The following MED12L variants were observed in gnomAD, a reference collection of about 807,000 sequenced individuals.
The protein encoded by MED12L is mediator complex subunit 12L.
In MED12L, 60 loss-of-function variants were observed where a neutral mutation model predicts 281.3. That is an observed-to-expected ratio of 0.21 (90% CI 0.17 to 0.26). The LOEUF is 0.26. Ranked by LOEUF, MED12L falls within the 10% of genes least tolerant of loss-of-function variation. The probability of loss-of-function intolerance (pLI) is 1.00; values close to 1 mark genes in which losing one functional copy is unlikely to be tolerated. For missense variants in MED12L, 2,146 were observed against 2,680.9 expected, an observed-to-expected ratio of 0.80 and a Z score of 4.41; for synonymous variants, 974 against 987.2, an observed-to-expected ratio of 0.99 and a Z score of 0.25.
At chr3:151,223,238 T>TG (rs11414248) in intron 16 of MED12L, among the ~76,000 whole-genome samples, 102,457 of 150,358 alleles carry the variant, frequency 0.68, 35,229 homozygotes, top group African/African-American at 0.74. Context: ...TATGTACTCT[T>TG]GTGGGATTGT....
At chr3:151,406,920 C>T (rs1030399768) in intron 39 of MED12L, among the ~76,000 whole-genome samples, 1 of 151,892 alleles carries the variant, frequency 6.6e-6, no homozygotes, top group African/African-American at 2.4e-5. Context: ...TCACCTCAAC[C>T]TTCCAAGTAG....
At chr3:151,338,339 G>T in intron 16 of MED12L, 1 of 1,614,104 alleles carries the variant, frequency 6.2e-7, no homozygotes. Context: ...TCACATTCTT[G>T]TCTCTCGGCT....
intron 16 of MED12L, among the ~76,000 whole-genome samples, chr3:151,242,063 G>A (rs1267045743): frequency 5.3e-5 from 8 of 152,172 alleles, no homozygotes; most frequent in African/African-American, 4.8e-5. Context: ...GCGCTTTTCC[G>A]ACGGGCTTAA....
At chr3:151,205,671 T>C (rs1190215916) in intron 16 of MED12L, among the ~76,000 whole-genome samples, 2 of 152,152 alleles carry the variant, frequency 1.3e-5, no homozygotes, top group African/African-American at 4.8e-5. Context: ...ATTCTGCCTC[T>C]TACAGATGGG....
intron 27 of MED12L, among the ~76,000 whole-genome samples, chr3:151,374,471 C>T (rs985473327): frequency 1.3e-5 from 2 of 152,184 alleles, no homozygotes; most frequent in Admixed American, 1.3e-4. Context: ...TCGCTTGAAA[C>T]TGGGAGGCGG....
chr3:151,241,533 A>C (rs1296699235), intron 16 of MED12L, among the ~76,000 whole-genome samples: 1 of 152,166 alleles, frequency 6.6e-6, no homozygotes, highest in African/African-American at 2.4e-5. Flanking sequence ...TGATGTGGAG[A>C]GATGCAAATG....
At chr3:151,282,892 C>T (rs114585171) in intron 16 of MED12L, among the ~76,000 whole-genome samples, 3,332 of 152,132 alleles carry the variant, frequency 0.022, 134 homozygotes, top group African/African-American at 0.075. Context: ...TTTATGTTTC[C>T]CTATGTGAAG....
chr3:151,305,577 C>T (rs763714544), intron 16 of MED12L, among the ~76,000 whole-genome samples: 3 of 152,042 alleles, frequency 2.0e-5, no homozygotes, highest in African/African-American at 4.8e-5. Flanking sequence ...TAGGAAGATA[C>T]GAGATTCAGA....
At chr3:151,207,434 T>C (rs1726530421) in intron 16 of MED12L, among the ~76,000 whole-genome samples, 1 of 151,390 alleles carries the variant, frequency 6.6e-6, no homozygotes, top group Non-Finnish European at 1.5e-5. Flanking sequence ...TAGGAGCTTC[T>C]TCAGAATGAG....
At chr3:151,400,401 C>T (rs1318141377) in intron 39 of MED12L, among the ~76,000 whole-genome samples, 1 of 152,110 alleles carries the variant, frequency 6.6e-6, no homozygotes, top group Non-Finnish European at 1.5e-5. Flanking sequence ...GTTATAGGCT[C>T]CATACAGATC....
At chr3:151,389,288 T>C (rs1437868924) in intron 37 of MED12L, among the ~76,000 whole-genome samples, 2 of 152,230 alleles carry the variant, frequency 1.3e-5, no homozygotes, top group Admixed American at 6.5e-5. Flanking sequence ...AGTCTGGTCA[T>C]GTCCCCTCTT....
Position 151,388,165 on chromosome 3 carries a change from G to A in MED12L, c.5444G>A (p.Arg1815Lys). 5 of 1,596,430 alleles carry A rather than the reference G, an allele frequency of 3.1e-6. No homozygotes were observed. Among genetic ancestry groups the A allele is most frequent in the Non-Finnish European group, 4.3e-6 (5 of 1,175,902 alleles). ...AAGCGCAAGACGAAATCTAGCTCAA[G>A]AGTTGATGTAAGTGGGGAAAGGAAG... is the stretch of plus-strand genomic sequence containing the variant. ...GRKRKTKSSSRVDEYPQSNIY... is the reference protein window; with the variant it reads ...GRKRKTKSSSKVDEYPQSNIY... Residue 1815 changes from arginine to lysine, a missense_variant, in exon 37 of 45, where the codon AGA becomes AAA. Physicochemically the swap from Arg to Lys is conservative, Grantham distance 26 (BLOSUM62 2). Around this residue, in one of 9 missense-constraint regions of MED12L, gnomAD observed 496 missense variants for 512.0 expected, o/e 0.97. Transcript: ENST00000687756.
intron 2 of MED12L, among the ~76,000 whole-genome samples, chr3:151,111,970 A>C (rs1315471818): frequency 6.6e-6 from 1 of 152,062 alleles, no homozygotes; most frequent in African/African-American, 2.4e-5. Flanking sequence ...GAAACCTTCA[A>C]CTGTTTTTTT....
Position 151,432,739 on chromosome 3 carries a change from T to C in MED12L, c.6491-13T>C. 1 of 1,610,878 alleles carries C rather than the reference T, an allele frequency of 6.2e-7. No individual in the cohort carries two copies. The highest frequency in any genetic ancestry group is 8.5e-7 in the Non-Finnish European group (1 of 1,177,980). On this transcript the variant is annotated splice_polypyrimidine_tract_variant and intron_variant, in intron 44 of 44. Coordinates refer to ENST00000687756, the MANE Select transcript of MED12L (RefSeq NM_001393769.1). ...GTGTCTGTAATTTTGGTTCAATTTATTTTTCTCCTTAGGCAACCAGCCACA... is the reference window on the plus strand; with the variant it reads ...GTGTCTGTAATTTTGGTTCAATTTACTTTTCTCCTTAGGCAACCAGCCACA...
intron 16 of MED12L, among the ~76,000 whole-genome samples, chr3:151,245,566 A>G (rs1735240809): frequency 6.7e-6 from 1 of 150,358 alleles, no homozygotes; most frequent in Non-Finnish European, 1.5e-5. Flanking sequence ...ACAAAATTCA[A>G]CAACCCTTCA....
At chr3:151,344,364 C>T (rs923437183) in intron 16 of MED12L, among the ~76,000 whole-genome samples, 3 of 151,760 alleles carry the variant, frequency 2.0e-5, no homozygotes, top group African/African-American at 7.3e-5. Flanking sequence ...ATGTGCACAC[C>T]CATTCTTCCT....
intron 5 of MED12L, among the ~76,000 whole-genome samples, chr3:151,133,700 G>T (rs1308732130): frequency 2.0e-5 from 3 of 152,048 alleles, no homozygotes; most frequent in Non-Finnish European, 4.4e-5. Context: ...AATAATGCAT[G>T]TTCGGTTTCA....
At chr3:151,089,154 C>T (rs1719682453) in intron 2 of MED12L, among the ~76,000 whole-genome samples, 1 of 152,134 alleles carries the variant, frequency 6.6e-6, no homozygotes, top group Non-Finnish European at 1.5e-5. Flanking sequence ...GGCAGTACTA[C>T]ACGTGGAGTC....
chr3:151,248,569 C>A (rs1736214047), intron 16 of MED12L, among the ~76,000 whole-genome samples: 2 of 152,058 alleles, frequency 1.3e-5, no homozygotes, highest in South Asian at 2.1e-4. Context: ...ACCCACATAC[C>A]CATCCGACTG....
Sources: allele counts gnomAD v4.1 joint callset (sites outside exome capture counted in the v4.1 genomes callset), GRCh38; gene constraint gnomAD v4.1.1; regional missense constraint gnomAD v4.1.1; transcripts MANE v1.5; gene names NCBI Gene and HGNC (gene_info 2026-07-23, HGNC 2026-07-21).